SLC24A4: variants seen among roughly 807,000 people sequenced by gnomAD.
SLC24A4 encodes the protein sodium/potassium/calcium exchanger 4.
In SLC24A4, 53 loss-of-function variants were observed where a neutral mutation model predicts 79.0. The observed-to-expected ratio is 0.67, with a 90% CI of 0.54 to 0.84. SLC24A4 has a LOEUF of 0.84. Among genes scored for constraint, SLC24A4 ranks in the 40% least tolerant of loss-of-function variants. The pLI is 0.00. For missense variants in SLC24A4, 731 were observed against 822.0 expected (o/e 0.89, Z 1.35); for synonymous variants, 323 against 323.8 (o/e 1.00, Z 0.03).
intron 2 of SLC24A4, among the ~76,000 whole-genome samples, chr14:92,352,836 G>A (rs1752251671): frequency 6.6e-6 from 1 of 152,164 alleles, no homozygotes; most frequent in African/African-American, 2.4e-5. Context: ...AGGAATTGAG[G>A]TTGTTTCTGA....
intron 4 of SLC24A4, 94 bp downstream of exon 4, chr14:92,439,503 C>A: frequency 1.7e-6 from 2 of 1,167,880 alleles, no homozygotes; most frequent in Non-Finnish European, 1.3e-6. Flanking sequence ...GCGTGGGGAG[C>A]ATGCTGGTGG....
rs893695400 is a variant in SLC24A4, at chr14:92,500,489, G to C, written c.*6861G>C. The C allele has an allele frequency of 6.6e-6, 1 of 152,242 alleles. No individual in the cohort carries two copies. The highest frequency in any genetic ancestry group is 1.5e-5 in the Non-Finnish European group (1 of 68,064). The allele number at this position is 152,242 out of a possible 1,614,324, so 9.4% of individuals were successfully genotyped here. On this transcript the variant is annotated 3_prime_UTR_variant, in exon 17 of 17. Transcript: ENST00000532405. ...GAAAAATGACTGGAGTGTGAACAAG[G>C]CAGCTCTGTTTTTCTAAATAAGTTG...
intron 2 of SLC24A4, among the ~76,000 whole-genome samples, chr14:92,356,858 A>G (rs1166717211): frequency 6.6e-6 from 1 of 152,202 alleles, no homozygotes; most frequent in African/African-American, 2.4e-5. Context: ...GTCCCTGAGG[A>G]TCTAACACTA....
rs1324050647 is a variant in SLC24A4, at chr14:92,497,927, A to T, written c.*4299A>T. Reference sequence around the variant, plus strand: ...GAAAATCCTCAGGAGATTGTACCCAAATGCCATGCTCTAAATATTCATGGT... The same window carrying T: ...GAAAATCCTCAGGAGATTGTACCCATATGCCATGCTCTAAATATTCATGGT... On this transcript the variant is annotated 3_prime_UTR_variant, in exon 17 of 17. Transcript: ENST00000532405. The T allele has an allele frequency of 6.6e-6, 1 of 152,218 alleles. No individual in the cohort carries two copies. The highest frequency in any genetic ancestry group is 1.5e-5 in the Non-Finnish European group (1 of 68,062). 9.4% of individuals were successfully genotyped at this position (152,218 alleles called of 1,614,324 possible).
chr14:92,377,206 T>C (rs978770574), intron 2 of SLC24A4, among the ~76,000 whole-genome samples: 7 of 152,204 alleles, frequency 4.6e-5, no homozygotes, highest in African/African-American at 1.7e-4. Context: ...GTTTCCCTAA[T>C]TACCAGTCAG....
chr14:92,394,785 C>T (rs1889674588), intron 2 of SLC24A4, among the ~76,000 whole-genome samples: 1 of 152,242 alleles, frequency 6.6e-6, no homozygotes, highest in Non-Finnish European at 1.5e-5. Context: ...TTTAAAACTA[C>T]ACATCCTATG....
intron 12 of SLC24A4, among the ~76,000 whole-genome samples, chr14:92,461,753 C>T (rs543305967): frequency 2.6e-5 from 4 of 152,182 alleles, no homozygotes; most frequent in East Asian, 1.9e-4. Context: ...CAGGATCTCA[C>T]GGGGCATCTG....
intron 13 of SLC24A4, among the ~76,000 whole-genome samples, chr14:92,483,255 T>C (rs1238283109): frequency 6.6e-6 from 1 of 152,168 alleles, no homozygotes; most frequent in Non-Finnish European, 1.5e-5. Context: ...TCCTTGCTCC[T>C]GCCCAGGAAT....
At chr14:92,400,880 C>G (rs2141762613) in intron 2 of SLC24A4, among the ~76,000 whole-genome samples, 2 of 152,230 alleles carry the variant, frequency 1.3e-5, no homozygotes, top group Admixed American at 1.3e-4. Flanking sequence ...ACTGTTGATG[C>G]CTGGTGTAAA....
In SLC24A4 at chr14:92,501,245, C is replaced by CG. The variant is rs1336208153; in HGVS notation, c.*7617_*7618insG. On this transcript the variant is annotated 3_prime_UTR_variant, in exon 17 of 17. Coordinates refer to ENST00000532405, the MANE Select transcript of SLC24A4 (RefSeq NM_153646.4). The stretch of plus-strand genomic sequence containing the variant: ...ATCCCGCTATTTATTTTTTCAATAA[C>CG]TGTGACCTCCTGCACTGTGAATGCT... 7 of 152,170 alleles carry CG rather than the reference C, an allele frequency of 4.6e-5. No individual in the cohort carries two copies. The highest frequency in any genetic ancestry group is 1.7e-4 in the African/African-American group (7 of 41,428). 9.4% of individuals were successfully genotyped at this position (152,170 alleles called of 1,614,324 possible).
intron 2 of SLC24A4, among the ~76,000 whole-genome samples, chr14:92,387,337 C>G (rs113412829): frequency 6.6e-6 from 1 of 152,100 alleles, no homozygotes; most frequent in East Asian, 1.9e-4. Flanking sequence ...CCACCACGCC[C>G]GGCTAATTTT....
intron 8 of SLC24A4, among the ~76,000 whole-genome samples, chr14:92,446,013 A>G (rs1191213714): frequency 1.3e-5 from 2 of 152,238 alleles, no homozygotes; most frequent in Non-Finnish European, 2.9e-5. Context: ...CCTGAGCAAC[A>G]TAGTGAGACC....
intron 2 of SLC24A4, among the ~76,000 whole-genome samples, chr14:92,391,404 A>G (rs1391835493): frequency 6.6e-6 from 1 of 152,202 alleles, no homozygotes; most frequent in Non-Finnish European, 1.5e-5. Flanking sequence ...CACGCTAAAC[A>G]CTGGGTTTCC....
intron 2 of SLC24A4, among the ~76,000 whole-genome samples, chr14:92,349,396 G>T (rs1041891492): frequency 1.3e-5 from 2 of 152,228 alleles, no homozygotes; most frequent in Admixed American, 1.3e-4. Flanking sequence ...CTGAGCTCAA[G>T]TGATCCGCCC....
At chr14:92,474,863 A>ATATATATATATATATATATATATATATT (rs36185636) in intron 12 of SLC24A4, among the ~76,000 whole-genome samples, 1 of 57,142 alleles carries the variant, frequency 1.8e-5, no homozygotes, top group Admixed American at 2.1e-4. Context: ...ATATATATAT[A>ATATATATATATATATATATATATATATT]TTTTTTTTTT....
At chr14:92,411,631 A>G (rs1307367585) in intron 2 of SLC24A4, among the ~76,000 whole-genome samples, 1 of 152,112 alleles carries the variant, frequency 6.6e-6, no homozygotes, top group Non-Finnish European at 1.5e-5. Context: ...TGGCCGGTGG[A>G]GGAGGAGGAG....
In SLC24A4 at chr14:92,334,761, T is replaced by C. The variant is rs548816668; in HGVS notation, c.241+8783T>C. 3.6e-4 allele frequency among the ~76,000 whole-genome samples: 55 copies of C among 152,198 alleles called. 2 individuals carry two copies. The South Asian group carries it at 0.011, about 31-fold the overall frequency. ...CTTGCTAAGCATCAGGATTTCTCTT[T>C]TGTAAAATGAGGATAGCAGCTCTTC... On this transcript the variant is annotated intron_variant, in intron 2 of 16. Transcript: ENST00000532405.
chr14:92,351,234 A>ACGCGCG (rs1555360940), intron 2 of SLC24A4, among the ~76,000 whole-genome samples: 4 of 130,802 alleles, frequency 3.1e-5, no homozygotes, highest in East Asian at 2.1e-4. Context: ...ACACACATAC[A>ACGCGCG]CGCACACACA....
chr14:92,478,427 C>G (rs1257152019), intron 12 of SLC24A4, among the ~76,000 whole-genome samples: 1 of 152,166 alleles, frequency 6.6e-6, no homozygotes. Context: ...TCTTGATACT[C>G]TTGTCAAATA....
Sources: gnomAD v4.1 joint callset for allele counts (sites outside exome capture counted in the v4.1 genomes callset) on GRCh38, gnomAD v4.1.1 for gene constraint, MANE v1.5 for transcripts, NCBI Gene and HGNC (gene_info 2026-07-23, HGNC 2026-07-21) for gene names.